Variants in AGAP1 observed in about 807,000 individuals in gnomAD.
AGAP1 encodes arf-GAP with GTPase, ANK repeat and PH domain-containing protein 1.
A neutral mutation model predicts 105.3 loss-of-function variants in AGAP1; 29 were observed. The observed-to-expected ratio is 0.28, with a 90% CI of 0.21 to 0.38. AGAP1 has a LOEUF of 0.38. Ranked by LOEUF, AGAP1 falls within the 10% of genes least tolerant of loss-of-function variation. The pLI is 1.00. For synonymous variants in AGAP1, 509 were observed against 485.9 expected (o/e 1.05, Z -0.63); for missense variants, 998 against 1,165.1 (o/e 0.86, Z 2.09).
intron 1 of AGAP1, among the ~76,000 whole-genome samples, chr2:235,682,365 TG>T (rs1949123809): frequency 6.6e-6 from 1 of 151,182 alleles, no homozygotes; most frequent in African/African-American, 2.4e-5. Context: ...TTGTTTGAGA[TG>T]GAGTCTCACT....
chr2:235,815,972 G>A (rs73998945), intron 9 of AGAP1, among the ~76,000 whole-genome samples: 3,728 of 152,298 alleles, frequency 0.024, 163 homozygotes, highest in African/African-American at 0.086. Flanking sequence ...TCAGGGCCGC[G>A]GGTAAATGTT....
In AGAP1 at chr2:236,036,506, G is replaced by A. The variant is rs1000772336; in HGVS notation, c.1646-55G>A. 15 of 1,593,738 alleles carry A rather than the reference G, an allele frequency of 9.4e-6. No individual in the cohort carries two copies. Among genetic ancestry groups the A allele is most frequent in the South Asian group, 6.9e-5 (6 of 86,926 alleles). On this transcript the variant is annotated intron_variant, in intron 13 of 17. Transcript: ENST00000304032. This position sits in a 1 kb window ranked among gnomAD's most constrained non-coding sequence, Gnocchi z 5.7. ...GCGCTTCTGTGACAGAGGGCCCGCA[G>A]GGGGACTGCTGTCTCATAAAAGCTA...
At position 235,930,649 on chromosome 2, in the gene AGAP1, C is replaced by T. The variant is rs2052676592; in HGVS notation, c.1325-116C>T. 9.5e-7 allele frequency: 1 copy of T among 1,055,840 alleles called. No homozygotes were observed. Among genetic ancestry groups the T allele is most frequent in the African/African-American group, 1.6e-5 (1 of 62,840 alleles). 65.4% of individuals were successfully genotyped at this position (1,055,840 alleles called of 1,614,324 possible). ...GTTTGCCATGCAGGCAGGACAGGGGCTGCTCTCGGTGGTAAGGTGCACTAT... is the reference window on the plus strand; with the variant it reads ...GTTTGCCATGCAGGCAGGACAGGGGTTGCTCTCGGTGGTAAGGTGCACTAT... On this transcript the variant is annotated intron_variant, in intron 11 of 17. Coordinates refer to ENST00000304032, the MANE Select transcript of AGAP1 (RefSeq NM_001037131.3). This position sits in a 1 kb window ranked among gnomAD's most constrained non-coding sequence, Gnocchi z 7.9.
rs1244294176 is a variant in AGAP1 at position 236,083,344 on chromosome 2, T to C, written c.2114+34063T>C. ...GAAGCGTCGTCCTCCTCACGGGCTC[T>C]TTACGTTGACATTGTGGCTTTGGAG... On this transcript the variant is annotated intron_variant, in intron 16 of 17. Coordinates refer to ENST00000304032, the MANE Select transcript of AGAP1 (RefSeq NM_001037131.3). This position sits in a 1 kb window ranked among gnomAD's most constrained non-coding sequence, Gnocchi z 5.3. Among the ~76,000 whole-genome samples the C allele has an allele frequency of 2.6e-5, 4 of 152,214 alleles. No homozygotes were observed. The highest frequency in any genetic ancestry group is 4.4e-5 in the Non-Finnish European group (3 of 68,032).
chr2:235,618,680 T>C (rs1211053599), intron 1 of AGAP1, among the ~76,000 whole-genome samples: 1 of 152,232 alleles, frequency 6.6e-6, no homozygotes, highest in Admixed American at 6.5e-5. Context: ...TAGTGGCTGT[T>C]AATAATTATT....
At chr2:235,840,349 C>T (rs1441903083) in intron 9 of AGAP1, among the ~76,000 whole-genome samples, 1 of 152,244 alleles carries the variant, frequency 6.6e-6, no homozygotes, top group Admixed American at 6.5e-5. Flanking sequence ...AGAGACATAA[C>T]ACGGCGACAT....
intron 1 of AGAP1, among the ~76,000 whole-genome samples, chr2:235,524,695 A>G (rs945226157): frequency 6.6e-6 from 1 of 152,208 alleles, no homozygotes; most frequent in Non-Finnish European, 1.5e-5. Flanking sequence ...CCTGTGTCCA[A>G]GAGAAAACCT....
chr2:235,503,320 C>G (rs1192149616), intron 1 of AGAP1, among the ~76,000 whole-genome samples: 2 of 152,174 alleles, frequency 1.3e-5, no homozygotes, highest in African/African-American at 2.4e-5. Context: ...GTCTGCACCC[C>G]CTTTGTTGTT....
chr2:235,664,981 G>A lies in AGAP1; in HGVS notation c.164-44198G>A, dbSNP rs1948080585. ...CACGCCTGTAATCCCAGCACTTTAG[G>A]AGGCCAAGATGGGAGAATCATCTGA... On this transcript the variant is annotated intron_variant, in intron 1 of 17. Transcript: ENST00000304032. This position sits in a 1 kb window ranked among gnomAD's most constrained non-coding sequence, Gnocchi z 5.7. 6.6e-6 allele frequency among the ~76,000 whole-genome samples: 1 copy of A among 152,148 alleles called. No individual in the cohort carries two copies. The highest frequency in any genetic ancestry group is 2.4e-5 in the African/African-American group (1 of 41,424).
In AGAP1 at chr2:236,056,785, G is replaced by A. The variant is rs1223387886; in HGVS notation, c.2114+7504G>A. Among the ~76,000 whole-genome samples the A allele has an allele frequency of 3.3e-5, 5 of 152,148 alleles. No homozygotes were observed. The highest frequency in any genetic ancestry group is 6.5e-5 in the Admixed American group (1 of 15,272). On this transcript the variant is annotated intron_variant, in intron 16 of 17. Transcript: ENST00000304032. The surrounding 1 kb of genome is among the most constrained non-coding windows in gnomAD (Gnocchi z 4.6). Reference sequence around the variant, plus strand: ...GCTTGGATTATCCCCATTCCCAGACGTGTGCCAGGGTCACATGGGAGCGCA... The same window carrying A: ...GCTTGGATTATCCCCATTCCCAGACATGTGCCAGGGTCACATGGGAGCGCA...
intron 1 of AGAP1, among the ~76,000 whole-genome samples, chr2:235,632,485 G>A (rs760021471): frequency 6.6e-6 from 1 of 152,180 alleles, no homozygotes; most frequent in African/African-American, 2.4e-5. Flanking sequence ...AGCTTTACAT[G>A]CCTGATGGGC....
In AGAP1 at chr2:236,082,558, T is replaced by C. The variant is rs1053591077; in HGVS notation, c.2114+33277T>C. ...CAAACAGCTCACCTGCAGTGGTGAT[T>C]GGTTTACAAAATTCACCTAGTTAAA... On this transcript the variant is annotated intron_variant, in intron 16 of 17. Coordinates refer to ENST00000304032, the MANE Select transcript of AGAP1 (RefSeq NM_001037131.3). This position sits in a 1 kb window ranked among gnomAD's most constrained non-coding sequence, Gnocchi z 4.2. 5.9e-5 allele frequency among the ~76,000 whole-genome samples: 9 copies of C among 152,196 alleles called. No homozygotes were observed. The highest frequency in any genetic ancestry group is 2.2e-4 in the African/African-American group (9 of 41,450).
At chr2:235,537,678 A>C (rs1381909452) in intron 1 of AGAP1, among the ~76,000 whole-genome samples, 1 of 152,216 alleles carries the variant, frequency 6.6e-6, no homozygotes, top group Admixed American at 6.5e-5. Context: ...TTTCACACTT[A>C]AATTGTTGAG....
chr2:235,588,002 C>T (rs958327825), intron 1 of AGAP1, among the ~76,000 whole-genome samples: 7 of 151,888 alleles, frequency 4.6e-5, no homozygotes, highest in African/African-American at 1.5e-4. Context: ...GGCCGACATG[C>T]GTGGATCACC....
intron 1 of AGAP1, among the ~76,000 whole-genome samples, chr2:235,497,021 C>T (rs1559201316): frequency 6.6e-6 from 1 of 152,296 alleles, no homozygotes; most frequent in Non-Finnish European, 1.5e-5. Flanking sequence ...CTGTTCTTTG[C>T]ATGTTCTTCT....
chr2:235,624,597 G>T (rs76400835), intron 1 of AGAP1, among the ~76,000 whole-genome samples: 2,484 of 152,206 alleles, frequency 0.016, 76 homozygotes, highest in African/African-American at 0.057. Flanking sequence ...GTGTATGTGC[G>T]TGTGTGCTGG....
chr2:235,532,125 C>A (rs1322490888), intron 1 of AGAP1, among the ~76,000 whole-genome samples: 1 of 152,202 alleles, frequency 6.6e-6, no homozygotes, highest in Non-Finnish European at 1.5e-5. Context: ...ATATGGAAAA[C>A]TATAAAGAAG....
rs534870910 is a variant in AGAP1, at chr2:235,792,804, C to T, written c.674-4955C>T. Reference sequence around the variant, plus strand: ...CTCTAGCAGATCCAAGGGGAGATGCCGAGTTGGTCATTGGCTACACAACTC... The same window carrying T: ...CTCTAGCAGATCCAAGGGGAGATGCTGAGTTGGTCATTGGCTACACAACTC... On this transcript the variant is annotated intron_variant, in intron 6 of 17. Transcript: ENST00000304032. This position sits in a 1 kb window ranked among gnomAD's most constrained non-coding sequence, Gnocchi z 5.3. Among the ~76,000 whole-genome samples the T allele has an allele frequency of 6.6e-6, 1 of 152,216 alleles. No homozygotes were observed. The highest frequency in any genetic ancestry group is 6.5e-5 in the Admixed American group (1 of 15,292).
chr2:235,641,651 C>T (rs1031065962), intron 1 of AGAP1, among the ~76,000 whole-genome samples: 4 of 152,196 alleles, frequency 2.6e-5, no homozygotes, highest in African/African-American at 7.2e-5. Flanking sequence ...CCCCCACATA[C>T]GTTCAGTGGC....
Sources: allele counts gnomAD v4.1 joint callset (sites outside exome capture counted in the v4.1 genomes callset), GRCh38; gene constraint gnomAD v4.1.1; non-coding constraint Gnocchi (gnomAD v3.1); transcripts MANE v1.5; gene names NCBI Gene and HGNC (gene_info 2026-07-23, HGNC 2026-07-21).